PRRC1: variants seen among roughly 807,000 people sequenced by gnomAD.
The protein encoded by PRRC1 is proline rich coiled-coil 1.
PRRC1 carries 39 observed loss-of-function variants against 40.7 expected under a neutral mutation model. The ratio of observed to expected loss-of-function variants is 0.96; its 90% confidence interval spans 0.74 to 1.25. The LOEUF is 1.25. Ranked by LOEUF, PRRC1 falls within the 50% of genes most tolerant of loss-of-function variation. The pLI, the probability that PRRC1 is intolerant of heterozygous loss-of-function variation, is 0.00. For missense variants in PRRC1, 573 were observed against 548.3 expected, an observed-to-expected ratio of 1.05 and a Z score of -0.45; for synonymous variants, 175 against 193.3, an observed-to-expected ratio of 0.91 and a Z score of 0.79.
intron 8 of PRRC1, chr5:127,549,566 C>T (rs1017366604): frequency 6.6e-6 from 1 of 152,120 alleles, no homozygotes; most frequent in Non-Finnish European, 1.5e-5. Flanking sequence ...TATGTGTGTA[C>T]TACAAAATCA....
At chr5:127,531,485 A>T (rs917852605) in intron 5 of PRRC1, among the ~76,000 whole-genome samples, 8 of 152,192 alleles carry the variant, frequency 5.3e-5, no homozygotes, top group Non-Finnish European at 7.3e-5. Context: ...GAATGAAGGA[A>T]AAAAAGGAAT....
chr5:127,538,936 ATG>A (rs1225207352), intron 6 of PRRC1, 102 bp from the exon 7 acceptor site: 1 of 724,642 alleles, frequency 1.4e-6, no homozygotes, highest in Non-Finnish European at 2.3e-6. Flanking sequence ...GAGTATATAT[ATG>A]TGTTTGCATA....
At chr5:127,528,606 G>T (rs942454217) in intron 4 of PRRC1, among the ~76,000 whole-genome samples, 1 of 151,996 alleles carries the variant, frequency 6.6e-6, no homozygotes, top group Non-Finnish European at 1.5e-5. Flanking sequence ...GTGAGCCACC[G>T]CAGGCAGCCT....
In PRRC1 at chr5:127,518,915, G is replaced by C. The variant is rs145775186; in HGVS notation, c.-21+1139G>C. On this transcript the variant is annotated intron_variant, in intron 1 of 8. Coordinates refer to ENST00000296666, the MANE Select transcript of PRRC1 (RefSeq NM_130809.5). ...AACAGTTACCAACTCTGACACTTCAGTATTGTTTTATCATAATAGGTTTTT... is the reference window on the plus strand; with the variant it reads ...AACAGTTACCAACTCTGACACTTCACTATTGTTTTATCATAATAGGTTTTT... Among the ~76,000 whole-genome samples, 679 of 152,188 alleles carry C rather than the reference G, an allele frequency of 4.5e-3. 3 individuals are homozygous for C. Among genetic ancestry groups the C allele is most frequent in the African/African-American group, 0.016 (645 of 41,524 alleles).
chr5:127,528,555 G>A (rs781003220), intron 4 of PRRC1, among the ~76,000 whole-genome samples: 3 of 151,952 alleles, frequency 2.0e-5, no homozygotes, highest in African/African-American at 4.8e-5. Flanking sequence ...GACCTCAGGC[G>A]ATCTGCCCGC....
At chr5:127,530,162 A>G (rs917458041) in intron 4 of PRRC1, 132 bp from the exon 5 acceptor site, 7 of 656,626 alleles carry the variant, frequency 1.1e-5, no homozygotes, top group Non-Finnish European at 1.8e-5. Context: ...TATTGTCATG[A>G]CCTTATATAT....
At chr5:127,543,368 G>A (rs951284717) in intron 7 of PRRC1, among the ~76,000 whole-genome samples, 122 of 151,670 alleles carry the variant, frequency 8.0e-4, no homozygotes, top group Non-Finnish European at 1.4e-3. Flanking sequence ...TGCTCTTCTT[G>A]AGGAGTATCT....
At chr5:127,534,072 C>G (rs1767838278) in intron 6 of PRRC1, among the ~76,000 whole-genome samples, 1 of 152,144 alleles carries the variant, frequency 6.6e-6, no homozygotes, top group African/African-American at 2.4e-5. Context: ...CATTAACATT[C>G]AAATCAATTA....
At chr5:127,543,018 G>C (rs1226821895) in intron 7 of PRRC1, among the ~76,000 whole-genome samples, 1 of 148,892 alleles carries the variant, frequency 6.7e-6, no homozygotes, top group Admixed American at 6.8e-5. Context: ...GGTACCAGTT[G>C]TTCCTTTCCA....
intron 7 of PRRC1, among the ~76,000 whole-genome samples, chr5:127,545,303 C>T (rs1438674582): frequency 6.6e-6 from 1 of 151,828 alleles, no homozygotes; most frequent in Non-Finnish European, 1.5e-5. Flanking sequence ...ACCCAAAGGA[C>T]TATAAATCAT....
chr5:127,525,083 C>T (rs565453194), intron 3 of PRRC1, among the ~76,000 whole-genome samples, 163 bp downstream of exon 3: 34 of 152,254 alleles, frequency 2.2e-4, no homozygotes, highest in East Asian at 1.2e-3. Context: ...CATCCCTTGT[C>T]GCAATTTTAT....
intron 7 of PRRC1, among the ~76,000 whole-genome samples, chr5:127,540,980 G>A (rs1195840391): frequency 1.3e-5 from 2 of 152,116 alleles, no homozygotes; most frequent in Admixed American, 6.5e-5. Context: ...TCCAGTTTTT[G>A]CCCATTCAGT....
At chr5:127,546,337 C>T (rs1205207662) in intron 7 of PRRC1, among the ~76,000 whole-genome samples, 3 of 152,274 alleles carry the variant, frequency 2.0e-5, no homozygotes, top group African/African-American at 7.2e-5. Flanking sequence ...ACTATATGAA[C>T]CATAGTTAAC....
chr5:127,552,098 A>T lies in PRRC1; in HGVS notation c.*182A>T. The T allele has an allele frequency of 7.1e-7, 1 of 1,417,386 alleles. No individual in the cohort carries two copies. The highest frequency in any genetic ancestry group is 9.2e-7 in the Non-Finnish European group (1 of 1,088,884). The allele number at this position is 1,417,386 out of a possible 1,614,324, so 87.8% of individuals were successfully genotyped here. A position where few individuals can be genotyped will look rare whatever the true frequency, so the allele number is the denominator to read the frequency against. ...GTCATTCCAGGAGACAAAAAGAAAC[A>T]AATCCTTTTTATAGTCATACCATTT... On this transcript the variant is annotated 3_prime_UTR_variant, in exon 9 of 9. Transcript: ENST00000296666.
intron 7 of PRRC1, 137 bp downstream of exon 7, chr5:127,539,280 A>G (rs924085869): frequency 1.6e-6 from 1 of 614,248 alleles, no homozygotes. Flanking sequence ...TCACTTAACT[A>G]GCTGTGTGTC....
intron 7 of PRRC1, among the ~76,000 whole-genome samples, chr5:127,543,495 C>T (rs943738113): frequency 2.5e-4 from 38 of 152,316 alleles, no homozygotes; most frequent in Admixed American, 9.1e-4. Flanking sequence ...TTCTCCCCGT[C>T]GCTTTCAGGT....
chr5:127,554,078 C>G lies in PRRC1; in HGVS notation c.*2162C>G. On this transcript the variant is annotated 3_prime_UTR_variant, in exon 9 of 9. Coordinates refer to ENST00000296666, the MANE Select transcript of PRRC1 (RefSeq NM_130809.5). ...GTTTATTTTGTTGTCCTTAGATTTCCCTGTTGTAAAAGGGGCAAGAAAAGT... is the reference window on the plus strand; with the variant it reads ...GTTTATTTTGTTGTCCTTAGATTTCGCTGTTGTAAAAGGGGCAAGAAAAGT... 2 of 611,856 alleles carry G rather than the reference C, an allele frequency of 3.3e-6. No individual in the cohort carries two copies. Among genetic ancestry groups the G allele is most frequent in the South Asian group, 2.6e-5 (1 of 39,148 alleles). The allele number at this position is 611,856 out of a possible 1,614,324, so 37.9% of individuals were successfully genotyped here.
chr5:127,541,486 T>C (rs976778308), intron 7 of PRRC1, among the ~76,000 whole-genome samples: 1 of 152,034 alleles, frequency 6.6e-6, no homozygotes, highest in Non-Finnish European at 1.5e-5. Context: ...AGAATTCGGC[T>C]GTGAATCCAT....
At chr5:127,539,209 T>G (rs1353531764) in intron 7 of PRRC1, 66 bp downstream of exon 7, 1 of 1,161,304 alleles carries the variant, frequency 8.6e-7, no homozygotes, top group African/African-American at 1.5e-5. Context: ...ACTGAATACT[T>G]AGCAAAAAGT....
Sources: allele counts gnomAD v4.1 joint callset (sites outside exome capture counted in the v4.1 genomes callset), GRCh38; gene constraint gnomAD v4.1.1; transcripts MANE v1.5; gene names NCBI Gene and HGNC (gene_info 2026-07-23, HGNC 2026-07-21).